Variants in THSD4 observed in about 807,000 individuals in gnomAD.
The protein encoded by THSD4 is thrombospondin type 1 domain containing 4.
In THSD4, 69 loss-of-function variants were observed where a neutral mutation model predicts 119.0. The ratio of observed to expected loss-of-function variants is 0.58; its 90% CI spans 0.48 to 0.71. The LOEUF is 0.71. THSD4 is among the 30% of genes least tolerant of loss of function. The pLI, the probability that THSD4 is intolerant of heterozygous loss-of-function variation, is 0.00. For synonymous variants in THSD4, 524 were observed against 540.4 expected (o/e 0.97, Z 0.42); for missense variants, 1,393 against 1,391.1 (o/e 1.00, Z -0.02).
At chr15:71,242,563 T>C (rs368245814) in intron 4 of THSD4, 86 bp from the exon 5 acceptor site, 28 of 1,422,068 alleles carry the variant, frequency 2.0e-5, no homozygotes, top group East Asian at 1.8e-4. Flanking sequence ...TCCTACCTGG[T>C]CCTCTCTACC....
chr15:71,379,559 C>G (rs939190249), intron 6 of THSD4, among the ~76,000 whole-genome samples: 1 of 144,786 alleles, frequency 6.9e-6, no homozygotes, highest in Non-Finnish European at 1.5e-5. Context: ...CCAGGGTTCA[C>G]GCCATTCTCC....
chr15:71,675,061 T>G (rs16956035), intron 8 of THSD4, among the ~76,000 whole-genome samples: 39,114 of 152,090 alleles, frequency 0.26, 6,015 homozygotes, highest in East Asian at 0.74. Flanking sequence ...TCTGAATCCT[T>G]AGCTTCCAAT....
At chr15:71,492,784 C>T (rs1264994677) in intron 7 of THSD4, among the ~76,000 whole-genome samples, 1 of 152,072 alleles carries the variant, frequency 6.6e-6, no homozygotes, top group Non-Finnish European at 1.5e-5. Context: ...TAAAGAAGCC[C>T]CTAAATCAAT....
chr15:71,623,687 C>T (rs528503889), intron 7 of THSD4, among the ~76,000 whole-genome samples: 4 of 152,196 alleles, frequency 2.6e-5, no homozygotes, highest in East Asian at 3.9e-4. Context: ...CTTGAGAGGC[C>T]GAGGTGGGCG....
In THSD4 at chr15:71,581,432, A is replaced by C. The variant is rs550225231; in HGVS notation, c.1153-79098A>C. ...GCCCCTTATATATTTTGGATATTAT[A>C]TTCCTTATCAGGATATATGTTTTGC... On this transcript the variant is annotated intron_variant, in intron 7 of 17. Coordinates refer to ENST00000261862, the MANE Select transcript of THSD4 (RefSeq NM_024817.3). Among the ~76,000 whole-genome samples, 4 of 152,270 alleles carry C rather than the reference A, an allele frequency of 2.6e-5. 1 individual carries two copies. The highest frequency in any genetic ancestry group is 9.6e-5 in the African/African-American group (4 of 41,564).
chr15:71,216,907 A>C (rs1260130859), intron 4 of THSD4, among the ~76,000 whole-genome samples: 1 of 152,048 alleles, frequency 6.6e-6, no homozygotes, highest in African/African-American at 2.4e-5. Context: ...AGCTATTCTC[A>C]TGCCTCAGCC....
At chr15:71,101,015 A>AAAAAT (rs979391141) in intron 1 of THSD4, among the ~76,000 whole-genome samples, 1 of 151,898 alleles carries the variant, frequency 6.6e-6, no homozygotes, top group Non-Finnish European at 1.5e-5. Context: ...AAGTAAAATA[A>AAAAAT]AAAATAAAAT....
At chr15:71,658,335 C>T (rs541335297) in intron 7 of THSD4, among the ~76,000 whole-genome samples, 36 of 152,224 alleles carry the variant, frequency 2.4e-4, no homozygotes, top group Non-Finnish European at 4.8e-4. Context: ...CCTGTGTACA[C>T]ATTGTTCCCT....
chr15:71,733,398 T>G (rs2053019784), intron 10 of THSD4: 1 of 152,182 alleles, frequency 6.6e-6, no homozygotes, highest in Non-Finnish European at 1.5e-5. Context: ...TAAGGTGGTT[T>G]TTGGCAGGGG....
At position 71,242,654 on chromosome 15, in the gene THSD4, G is replaced by C. The variant is rs754273511; in HGVS notation, c.470G>C (p.Arg157Thr). Reference sequence around the variant, plus strand: ...TCTTGTCTATCTCTCTTTAGGAGCAGGACCCGTGGTACCATTGGCCCTGGC... The same window carrying C: ...TCTTGTCTATCTCTCTTTAGGAGCACGACCCGTGGTACCATTGGCCCTGGC... ...GLEVTGDRRSRTRGTIGPGKY... is the reference protein window; with the variant it reads ...GLEVTGDRRSTTRGTIGPGKY... The change falls in exon 5 of 18, where the codon AGG (arginine) becomes ACG (threonine). Residue 157 changes from arginine to threonine, a missense_variant. Arg to Thr is a moderately conservative substitution (Grantham distance 71). Coordinates refer to ENST00000261862, the MANE Select transcript of THSD4 (RefSeq NM_024817.3). The C allele has an allele frequency of 1.2e-6, 2 of 1,613,534 alleles. No individual in the cohort carries two copies. The highest frequency in any genetic ancestry group is 2.2e-5 in the South Asian group (2 of 91,048).
chr15:71,302,585 G>A (rs987290498), intron 6 of THSD4, among the ~76,000 whole-genome samples: 6 of 152,130 alleles, frequency 3.9e-5, no homozygotes, highest in African/African-American at 1.4e-4. Flanking sequence ...GGGTGGGAGT[G>A]GGGGTGGGGT....
intron 15 of THSD4, among the ~76,000 whole-genome samples, chr15:71,762,150 AACACACACAC>A (rs72267245): frequency 1.9e-4 from 21 of 112,196 alleles, no homozygotes; most frequent in African/African-American, 4.1e-4. Flanking sequence ...CGCGTGTGCA[AACACACACAC>A]ACACACACAC....
chr15:71,309,060 C>T (rs190742348), intron 6 of THSD4, among the ~76,000 whole-genome samples: 11 of 152,320 alleles, frequency 7.2e-5, no homozygotes, highest in African/African-American at 2.2e-4. Context: ...AGTGATTCTC[C>T]CACTTCAGCC....
chr15:71,592,577 C>A (rs1227882439), intron 7 of THSD4, among the ~76,000 whole-genome samples: 1 of 151,792 alleles, frequency 6.6e-6, no homozygotes, highest in African/African-American at 2.4e-5. Context: ...ACGTGGTGAT[C>A]GGGTTCCCAG....
chr15:71,719,112 A>G (rs1463117008), intron 8 of THSD4, among the ~76,000 whole-genome samples: 3 of 152,246 alleles, frequency 2.0e-5, no homozygotes, highest in Non-Finnish European at 4.4e-5. Flanking sequence ...TGGAGTCAGA[A>G]TAAATCAAAC....
At chr15:71,260,267 A>G (rs2044375162) in intron 6 of THSD4, among the ~76,000 whole-genome samples, 1 of 152,224 alleles carries the variant, frequency 6.6e-6, no homozygotes, top group Non-Finnish European at 1.5e-5. Flanking sequence ...AAGACCTGGA[A>G]GAACTTATTT....
At chr15:71,332,395 T>C (rs965185280) in intron 6 of THSD4, among the ~76,000 whole-genome samples, 7 of 152,184 alleles carry the variant, frequency 4.6e-5, no homozygotes, top group Middle Eastern at 3.2e-3. Flanking sequence ...TAAAGGATGA[T>C]GTATGTGTGT....
At chr15:71,552,467 T>C (rs907163769) in intron 7 of THSD4, among the ~76,000 whole-genome samples, 2 of 152,206 alleles carry the variant, frequency 1.3e-5, no homozygotes, top group African/African-American at 4.8e-5. Flanking sequence ...GAAGGGTCAA[T>C]GTAATGACCT....
At chr15:71,227,371 G>T (rs572192426) in intron 4 of THSD4, among the ~76,000 whole-genome samples, 1 of 152,178 alleles carries the variant, frequency 6.6e-6, no homozygotes, top group Non-Finnish European at 1.5e-5. Flanking sequence ...TGTCCCAGAA[G>T]GGGGATCTCA....
Sources: gnomAD v4.1 joint callset for allele counts (sites outside exome capture counted in the v4.1 genomes callset) on GRCh38, gnomAD v4.1.1 for gene constraint, MANE v1.5 for transcripts, NCBI Gene and HGNC (gene_info 2026-07-23, HGNC 2026-07-21) for gene names.